Variants in DLGAP2 observed in about 807,000 individuals in gnomAD.
DLGAP2 encodes the protein DLG associated protein 2.
A neutral mutation model predicts 100.3 loss-of-function variants in DLGAP2; 26 were observed. The observed-to-expected ratio is 0.26, with a 90% CI of 0.19 to 0.36. DLGAP2 has a LOEUF of 0.36. Ranked by LOEUF, DLGAP2 falls within the 10% of genes least tolerant of loss-of-function variation. The pLI, the probability that DLGAP2 is intolerant of heterozygous loss-of-function variation, is 1.00. For synonymous variants in DLGAP2, 886 were observed against 630.1 expected (o/e 1.41, Z -6.08); for missense variants, 1,858 against 1,453.2 (o/e 1.28, Z -4.53).
intron 3 of DLGAP2, among the ~76,000 whole-genome samples, chr8:1,345,002 C>T (rs1367980032): frequency 6.6e-6 from 1 of 152,208 alleles, no homozygotes; most frequent in Non-Finnish European, 1.5e-5. Context: ...AATAAAAGTC[C>T]TTCCAAATTT....
intron 1 of DLGAP2, among the ~76,000 whole-genome samples, chr8:873,338 C>A (rs982178616): frequency 2.0e-5 from 3 of 152,136 alleles, no homozygotes; most frequent in Non-Finnish European, 4.4e-5. Flanking sequence ...CTCTTCATTA[C>A]CCTGGCTAGG....
intron 2 of DLGAP2, among the ~76,000 whole-genome samples, chr8:1,007,147 C>T (rs144849340): frequency 7.2e-5 from 11 of 152,112 alleles, no homozygotes; most frequent in Admixed American, 2.6e-4. Context: ...TTTATCACGT[C>T]GGGTATGCCG....
intron 1 of DLGAP2, among the ~76,000 whole-genome samples, chr8:803,759 G>T: frequency 6.6e-6 from 1 of 152,176 alleles, no homozygotes; most frequent in East Asian, 1.9e-4. Context: ...GCTGTACTTT[G>T]AATTTTATAT....
At chr8:1,273,229 C>T (rs1335253277) in intron 3 of DLGAP2, among the ~76,000 whole-genome samples, 4 of 152,204 alleles carry the variant, frequency 2.6e-5, no homozygotes, top group Non-Finnish European at 4.4e-5. Context: ...AACACACATG[C>T]ACCCTAATAT....
rs191072388 is a variant in DLGAP2, at chr8:1,600,353, G to T, written c.1443-26387G>T. Among the ~76,000 whole-genome samples the T allele has an allele frequency of 4.7e-3, 721 of 152,068 alleles. 3 individuals carry two copies. Among genetic ancestry groups the T allele is most frequent in the Non-Finnish European group, 7.0e-3 (473 of 67,986 alleles). The stretch of plus-strand genomic sequence containing the variant: ...GTGAATCCGACGATTATGTGTCTTG[G>T]GGTTGCTCTTCTCAAGGAGTAACTT... On this transcript the variant is annotated intron_variant, in intron 6 of 14. Coordinates refer to ENST00000637795, the MANE Select transcript of DLGAP2 (RefSeq NM_001346810.2).
At chr8:789,450 C>T (rs562995784) in intron 1 of DLGAP2, among the ~76,000 whole-genome samples, 1 of 152,330 alleles carries the variant, frequency 6.6e-6, no homozygotes, top group South Asian at 2.1e-4. Flanking sequence ...AAATCCACCC[C>T]TGTGATCCAG....
chr8:802,065 C>A (rs1172509487), intron 1 of DLGAP2, among the ~76,000 whole-genome samples: 178 of 81,156 alleles, frequency 2.2e-3, no homozygotes, highest in African/African-American at 8.2e-3. Flanking sequence ...CAGTCTGCAC[C>A]CCTCCTGGGC....
rs557101061 is a variant in DLGAP2, at chr8:1,584,236, A to G, written c.1442+18342A>G. On this transcript the variant is annotated intron_variant, in intron 6 of 14. Transcript: ENST00000637795. ...TAATCAACTTAATAAATGAACTGCT[A>G]TTAGCGACGCCGATAAAGTAATCCT... 7.9e-5 allele frequency among the ~76,000 whole-genome samples: 12 copies of G among 152,312 alleles called. 1 individual carries two copies. In the East Asian group the frequency reaches 1.5e-3, roughly 20 times the overall value.
At chr8:969,283 A>G (rs936662296) in intron 2 of DLGAP2, among the ~76,000 whole-genome samples, 1 of 152,076 alleles carries the variant, frequency 6.6e-6, no homozygotes, top group African/African-American at 2.4e-5. Flanking sequence ...CTGGAACTTC[A>G]CAGTTGGCTC....
chr8:1,421,155 C>T (rs776452541), intron 3 of DLGAP2, among the ~76,000 whole-genome samples: 2 of 152,180 alleles, frequency 1.3e-5, no homozygotes, highest in Non-Finnish European at 2.9e-5. Flanking sequence ...TTTTGTGGTT[C>T]ATAATAAACA....
chr8:1,138,584 A>T (rs375786138), intron 2 of DLGAP2, among the ~76,000 whole-genome samples: 2 of 152,244 alleles, frequency 1.3e-5, no homozygotes, highest in Admixed American at 1.3e-4. Flanking sequence ...GACACTGAGA[A>T]GTTCAAGTGC....
Position 1,473,439 on chromosome 8 carries a change from G to A in DLGAP2, c.107-27927G>A, listed in dbSNP as rs146476847. Among the ~76,000 whole-genome samples, 15 of 152,266 alleles carry A rather than the reference G, an allele frequency of 9.9e-5. 1 individual carries two copies. In the East Asian group the frequency reaches 1.7e-3, roughly 18 times the overall value. On this transcript the variant is annotated intron_variant, in intron 3 of 14. Transcript: ENST00000637795. The stretch of plus-strand genomic sequence containing the variant: ...AGGCGAAGGTGTTCAGTTGGTCCAC[G>A]TTGTAAAACAACCAGAAAATGGCTG...
intron 2 of DLGAP2, among the ~76,000 whole-genome samples, chr8:1,052,293 TC>T (rs1802741816): frequency 1.3e-5 from 2 of 152,214 alleles, no homozygotes; most frequent in Non-Finnish European, 2.9e-5. Flanking sequence ...TTCTACAAAC[TC>T]TGAGGACATA....
intron 2 of DLGAP2, among the ~76,000 whole-genome samples, chr8:979,086 A>G (rs1409512049): frequency 6.6e-6 from 1 of 152,128 alleles, no homozygotes; most frequent in Admixed American, 6.5e-5. Context: ...CCTTGTCATT[A>G]AGAATTCTAA....
chr8:765,895 G>A (rs1397643902), intron 1 of DLGAP2, among the ~76,000 whole-genome samples: 1 of 152,164 alleles, frequency 6.6e-6, no homozygotes, highest in African/African-American at 2.4e-5. Flanking sequence ...ATGGCCGGGT[G>A]CGGTGGCTCA....
At chr8:830,581 G>A (rs1250322011) in intron 1 of DLGAP2, among the ~76,000 whole-genome samples, 1 of 152,016 alleles carries the variant, frequency 6.6e-6, no homozygotes, top group East Asian at 1.9e-4. Flanking sequence ...CGTAATTTGC[G>A]ATTCTATTTA....
At chr8:1,216,269 A>G (rs191573133) in intron 2 of DLGAP2, among the ~76,000 whole-genome samples, 14 of 152,294 alleles carry the variant, frequency 9.2e-5, no homozygotes, top group Admixed American at 8.5e-4. Context: ...AGTGGTAACT[A>G]CAGACAGCTC....
chr8:1,679,848 C>T (rs1334536569), intron 12 of DLGAP2, among the ~76,000 whole-genome samples: 1 of 151,952 alleles, frequency 6.6e-6, no homozygotes, highest in Admixed American at 6.6e-5. Flanking sequence ...GGCGTGGTGG[C>T]GGGTACCTGT....
intron 6 of DLGAP2, among the ~76,000 whole-genome samples, chr8:1,614,962 G>T (rs1356017564): frequency 6.6e-6 from 1 of 152,232 alleles, no homozygotes; most frequent in African/African-American, 2.4e-5. Flanking sequence ...ACTCGCGGCT[G>T]CCCATGGTCC....
Sources: allele counts gnomAD v4.1 joint callset (sites outside exome capture counted in the v4.1 genomes callset), GRCh38; gene constraint gnomAD v4.1.1; transcripts MANE v1.5; gene names NCBI Gene and HGNC (gene_info 2026-07-23, HGNC 2026-07-21).